The following MSRA variants were observed in gnomAD, a reference collection of about 807,000 sequenced individuals.
The protein encoded by MSRA is methionine sulfoxide reductase A.
A neutral mutation model predicts 31.3 loss-of-function variants in MSRA; 54 were observed. The observed-to-expected ratio is 1.73, with a 90% CI of 1.39 to 2.17. The LOEUF (loss-of-function observed/expected upper bound fraction) is 2.17. Ranked by LOEUF, MSRA falls within the 30% of genes most tolerant of loss-of-function variation. The pLI, the probability that MSRA is intolerant of heterozygous loss-of-function variation, is 0.00. For synonymous variants in MSRA, 169 were observed against 116.5 expected (o/e 1.45, Z -2.90); for missense variants, 507 against 300.9 (o/e 1.69, Z -5.07).
chr8:10,276,061 T>C (rs987919311), intron 3 of MSRA, among the ~76,000 whole-genome samples: 3 of 152,210 alleles, frequency 2.0e-5, no homozygotes, highest in Admixed American at 2.0e-4. Flanking sequence ...GGCCTCTCGC[T>C]CCGTGTCTGG....
At chr8:10,259,828 C>T (rs760080072) in intron 3 of MSRA, among the ~76,000 whole-genome samples, 24 of 152,192 alleles carry the variant, frequency 1.6e-4, no homozygotes, top group Non-Finnish European at 1.0e-4. Context: ...CTGCTCCTCT[C>T]GGCTTCTTCC....
intron 2 of MSRA, among the ~76,000 whole-genome samples, chr8:10,230,398 A>G (rs1811364483): frequency 6.6e-6 from 1 of 152,186 alleles, no homozygotes; most frequent in Non-Finnish European, 1.5e-5. Flanking sequence ...GTATGCACAC[A>G]GTCAGGAGGG....
intron 5 of MSRA, among the ~76,000 whole-genome samples, chr8:10,414,096 G>A (rs1341585562): frequency 6.6e-6 from 1 of 152,146 alleles, no homozygotes; most frequent in Non-Finnish European, 1.5e-5. Flanking sequence ...GAGCCTAGGA[G>A]TTTGAGGCTG....
Position 10,057,326 on chromosome 8 carries a change from A to C in MSRA, c.142+2668A>C, listed in dbSNP as rs1802432035. On this transcript the variant is annotated intron_variant, in intron 1 of 5. Transcript: ENST00000317173. The stretch of plus-strand genomic sequence containing the variant: ...CATTGTGCTTCAGTGCCTGACCACC[A>C]AGCAATACTCTGAGAACTTGGGAAT... Among the ~76,000 whole-genome samples the C allele has an allele frequency of 2.0e-5, 3 of 152,290 alleles. No homozygotes were observed. The South Asian group carries it at 6.2e-4, about 32-fold the overall frequency.
chr8:10,399,351 C>T (rs1299885715), intron 5 of MSRA, among the ~76,000 whole-genome samples: 1 of 152,180 alleles, frequency 6.6e-6, no homozygotes, highest in African/African-American at 2.4e-5. Context: ...ATGTGACCTC[C>T]AGTGTTGGCG....
intron 2 of MSRA, among the ~76,000 whole-genome samples, chr8:10,219,739 C>T (rs1810313408): frequency 1.5e-5 from 2 of 131,110 alleles, no homozygotes; most frequent in African/African-American, 6.0e-5. Flanking sequence ...CCGGGAGGCA[C>T]AACTTGCAGT....
At chr8:10,151,299 C>T (rs1191931878) in intron 1 of MSRA, among the ~76,000 whole-genome samples, 2 of 148,266 alleles carry the variant, frequency 1.3e-5, no homozygotes, top group African/African-American at 2.5e-5. Context: ...TAAGGGCTTC[C>T]TGTAGGAAGC....
At chr8:10,366,367 C>T (rs746123236) in intron 5 of MSRA, among the ~76,000 whole-genome samples, 3 of 152,218 alleles carry the variant, frequency 2.0e-5, no homozygotes, top group Admixed American at 6.5e-5. Context: ...TCGGAAGATG[C>T]GAGGGCCCCA....
At chr8:10,125,599 A>G (rs750429040) in intron 1 of MSRA, among the ~76,000 whole-genome samples, 2 of 152,168 alleles carry the variant, frequency 1.3e-5, no homozygotes, top group Non-Finnish European at 2.9e-5. Context: ...AGGAGCTTGA[A>G]CCTGATCCTG....
intron 5 of MSRA, among the ~76,000 whole-genome samples, chr8:10,350,219 C>T (rs753903521): frequency 5.3e-5 from 8 of 152,244 alleles, no homozygotes; most frequent in Non-Finnish European, 1.2e-4. Flanking sequence ...ACAAAGACAC[C>T]TGCTTTGCAG....
chr8:10,121,494 G>A (rs1054334180), intron 1 of MSRA, among the ~76,000 whole-genome samples: 7 of 152,232 alleles, frequency 4.6e-5, no homozygotes, highest in Admixed American at 1.3e-4. Flanking sequence ...TTTTGTGGGG[G>A]CAGGTGTGGC....
intron 1 of MSRA, among the ~76,000 whole-genome samples, chr8:10,096,991 C>A (rs780215140): frequency 1.9e-4 from 29 of 152,206 alleles, no homozygotes; most frequent in Non-Finnish European, 3.7e-4. Flanking sequence ...GTATAAAAGA[C>A]TGCCCCTGGA....
chr8:10,334,712 T>G (rs1051049794), intron 5 of MSRA, among the ~76,000 whole-genome samples: 2 of 152,192 alleles, frequency 1.3e-5, no homozygotes, highest in African/African-American at 4.8e-5. Flanking sequence ...GGAGCGGAGA[T>G]GAAAGGCCAT....
At chr8:10,274,861 A>G (rs1585336262) in intron 3 of MSRA, among the ~76,000 whole-genome samples, 1 of 152,036 alleles carries the variant, frequency 6.6e-6, no homozygotes, top group South Asian at 2.1e-4. Flanking sequence ...CCATCCATCT[A>G]CCCACCCATT....
intron 5 of MSRA, among the ~76,000 whole-genome samples, chr8:10,421,841 A>G (rs1808831999): frequency 6.6e-6 from 1 of 152,160 alleles, no homozygotes; most frequent in African/African-American, 2.4e-5. Flanking sequence ...TTCCTGCCCC[A>G]GAGATCTGCT....
intron 1 of MSRA, among the ~76,000 whole-genome samples, chr8:10,130,995 T>C (rs1178016040): frequency 6.6e-6 from 1 of 152,208 alleles, no homozygotes; most frequent in Non-Finnish European, 1.5e-5. Context: ...TATAGAGATG[T>C]TAATGGTCTG....
chr8:10,074,844 A>T (rs1797926010), intron 1 of MSRA, among the ~76,000 whole-genome samples: 1 of 152,176 alleles, frequency 6.6e-6, no homozygotes, highest in Non-Finnish European at 1.5e-5. Context: ...GATTACCCAG[A>T]GACGGGGGTT....
At chr8:10,166,926 G>T (rs931239869) in intron 1 of MSRA, among the ~76,000 whole-genome samples, 1 of 152,220 alleles carries the variant, frequency 6.6e-6, no homozygotes, top group Non-Finnish European at 1.5e-5. Flanking sequence ...AGCCATGATG[G>T]GTCTAGTGTA....
chr8:10,267,024 T>A lies in MSRA; in HGVS notation c.331+21801T>A, dbSNP rs566280431. ...TCCTGATTATATTCTTGATTATAGT[T>A]TGTTGCATTTCTCGAACGAACATGG... is the stretch of plus-strand genomic sequence containing the variant. On this transcript the variant is annotated intron_variant, in intron 3 of 5. Coordinates refer to ENST00000317173, the MANE Select transcript of MSRA (RefSeq NM_012331.5). Among the ~76,000 whole-genome samples, 3 of 152,372 alleles carry A rather than the reference T, an allele frequency of 2.0e-5. No individual in the cohort carries two copies. In the South Asian group the frequency reaches 6.2e-4, roughly 32 times the overall value.
Sources: allele counts gnomAD v4.1 joint callset (sites outside exome capture counted in the v4.1 genomes callset), GRCh38; gene constraint gnomAD v4.1.1; transcripts MANE v1.5; gene names NCBI Gene and HGNC (gene_info 2026-07-23, HGNC 2026-07-21).